The following TCP11L2 variants were observed in gnomAD, a reference collection of about 807,000 sequenced individuals.
TCP11L2 encodes t-complex 11 like 2.
Under a neutral mutation model 50.7 loss-of-function variants are expected in TCP11L2, and 39 were observed. The ratio of observed to expected loss-of-function variants is 0.77; its 90% CI spans 0.60 to 1.01. TCP11L2 has a LOEUF of 1.01. Among genes scored for constraint, TCP11L2 ranks in the 50% least tolerant of loss-of-function variants. TCP11L2 has a pLI of 0.00. For synonymous variants in TCP11L2, 192 were observed against 219.3 expected, an observed-to-expected ratio of 0.88 and a Z score of 1.10; for missense variants, 612 against 614.7, an observed-to-expected ratio of 1.00 and a Z score of 0.05.
intron 1 of TCP11L2, among the ~76,000 whole-genome samples, 166 bp from the exon 2 acceptor site, chr12:106,310,875 T>C (rs1274367259): frequency 6.6e-6 from 1 of 152,180 alleles, no homozygotes; most frequent in Non-Finnish European, 1.5e-5. Flanking sequence ...GATGACCTAG[T>C]GATCTGGCCT....
At chr12:106,304,882 G>A (rs936144591) in intron 1 of TCP11L2, among the ~76,000 whole-genome samples, 2 of 152,130 alleles carry the variant, frequency 1.3e-5, no homozygotes, top group African/African-American at 2.4e-5. Flanking sequence ...TCACTGTAGC[G>A]GGGTGGTGAA....
chr12:106,302,408 G>GC (rs1219150244), upstream of TCP11L2, among the ~76,000 whole-genome samples: 1 of 45,024 alleles, frequency 2.2e-5, no homozygotes, highest in Non-Finnish European at 4.3e-5. Context: ...CCCCCGCTCA[G>GC]CCCCCGCTCC....
In TCP11L2 at chr12:106,346,357, C is replaced by G; in HGVS notation, c.1387C>G (p.Pro463Ala). The change falls in exon 10 of 10, where the codon CCA becomes GCA. Residue 463 changes from proline (P) to alanine (A), a missense_variant. Pro to Ala is a conservative substitution (Grantham distance 27, BLOSUM62 -1). Coordinates refer to ENST00000299045, the MANE Select transcript of TCP11L2 (RefSeq NM_152772.3). The stretch of plus-strand genomic sequence containing the variant: ...CCCTCAAAAATGCATGCCTCCTATG[C>G]CAGGAGGCCTAGCTGTCATTCAGCA... The part of the protein sequence containing the change: ...PSPQKCMPPM[P>A]GGLAVIQQEL... The G allele has an allele frequency of 6.2e-7, 1 of 1,613,552 alleles. No individual in the cohort carries two copies. The highest frequency in any genetic ancestry group is 1.3e-5 in the African/African-American group (1 of 75,044).
intron 9 of TCP11L2, among the ~76,000 whole-genome samples, chr12:106,344,525 GATGAA>G (rs1211330736): frequency 2.6e-5 from 4 of 152,176 alleles, no homozygotes; most frequent in African/African-American, 9.7e-5. Context: ...GCAGAGATGA[GATGAA>G]ATGAGATGAG....
At chr12:106,310,985 G>C in intron 1 of TCP11L2, 56 bp from the exon 2 acceptor site, 2 of 1,445,354 alleles carry the variant, frequency 1.4e-6, no homozygotes, top group Non-Finnish European at 1.9e-6. Flanking sequence ...AGAAGCATTG[G>C]TGGTGCCTGT....
chr12:106,325,133 C>G (rs1251770874), intron 6 of TCP11L2: 1 of 152,152 alleles, frequency 6.6e-6, no homozygotes, highest in African/African-American at 2.4e-5. Context: ...TGAAGTTACC[C>G]CCCATTTTAT....
At chr12:106,338,443 G>A (rs375158136) in intron 8 of TCP11L2, among the ~76,000 whole-genome samples, 13 of 152,208 alleles carry the variant, frequency 8.5e-5, no homozygotes, top group African/African-American at 3.1e-4. Flanking sequence ...GAATTAATTT[G>A]CTTAGGATAA....
At chr12:106,300,745 T>A (rs971804833), upstream of TCP11L2, among the ~76,000 whole-genome samples, 2 of 152,226 alleles carry the variant, frequency 1.3e-5, no homozygotes, top group Non-Finnish European at 2.9e-5. Context: ...ATTTCCAGCA[T>A]CTTTTCTTAT....
intron 6 of TCP11L2, among the ~76,000 whole-genome samples, chr12:106,327,413 C>T (rs2035591173): frequency 6.6e-6 from 1 of 152,116 alleles, no homozygotes; most frequent in Non-Finnish European, 1.5e-5. Flanking sequence ...AGGCTGGTCT[C>T]TAACTACTGG....
chr12:106,318,201 A>G (rs1320868959), intron 3 of TCP11L2, 143 bp from the exon 4 acceptor site: 1 of 971,110 alleles, frequency 1.0e-6, no homozygotes, highest in Non-Finnish European at 1.5e-6. Context: ...TTCAACAAGA[A>G]AAATATTAAA....
At position 106,337,657 on chromosome 12, in the gene TCP11L2, C is replaced by T. The variant is rs144698478; in HGVS notation, c.1142+1444C>T. On this transcript the variant is annotated intron_variant, in intron 8 of 9. Coordinates refer to ENST00000299045, the MANE Select transcript of TCP11L2 (RefSeq NM_152772.3). ...GACCAGGGTTTAAATCCCAGCTCTGCTACTGACTTATTATGAACACTTGAA... is the reference window on the plus strand; with the variant it reads ...GACCAGGGTTTAAATCCCAGCTCTGTTACTGACTTATTATGAACACTTGAA... Among the ~76,000 whole-genome samples, 981 of 152,328 alleles carry T rather than the reference C, an allele frequency of 6.4e-3. 9 individuals are homozygous for T. The highest frequency in any genetic ancestry group is 9.7e-3 in the Non-Finnish European group (659 of 68,030).
chr12:106,302,239 C>T (rs576048528), upstream of TCP11L2, among the ~76,000 whole-genome samples: 377 of 152,142 alleles, frequency 2.5e-3, no homozygotes, highest in African/African-American at 8.4e-3. Flanking sequence ...GCCTGGAAGC[C>T]CAGGGGATCT....
intron 8 of TCP11L2, among the ~76,000 whole-genome samples, chr12:106,336,702 G>A (rs945927743): frequency 1.1e-4 from 16 of 152,006 alleles, no homozygotes; most frequent in Non-Finnish European, 1.8e-4. Flanking sequence ...ACAGGCATGC[G>A]CCGCCACGCC....
chr12:106,307,286 C>G (rs548079206), intron 1 of TCP11L2: 3 of 152,252 alleles, frequency 2.0e-5, no homozygotes, highest in African/African-American at 4.8e-5. Context: ...GAATAGTGAC[C>G]TGCTATCGTG....
rs1592930919 is a variant in TCP11L2, at chr12:106,311,105, G to A, written c.30G>A (p.Val10=). ...CCTTCAATGGCGAGAAGCAGTGTGT[G>A]GGAGAGGACCAGCCAAGCGATTCTG... MPFNGEKQC[V]GEDQPSDSDS... is the part of the protein sequence containing the mutation. The change falls in exon 2 of 10, where the codon GTG becomes GTA. Residue 10 remains valine (V), a synonymous_variant. Coordinates refer to ENST00000299045, the MANE Select transcript of TCP11L2 (RefSeq NM_152772.3). 2 of 1,614,172 alleles carry A rather than the reference G, an allele frequency of 1.2e-6. No individual in the cohort carries two copies. Among genetic ancestry groups the A allele is most frequent in the East Asian group, 2.2e-5 (1 of 44,874 alleles).
rs758174695 is a variant in TCP11L2, at chr12:106,323,615, C to G, written c.741C>G (p.Thr247=). 2 of 1,601,802 alleles carry G rather than the reference C, an allele frequency of 1.2e-6. No individual in the cohort carries two copies. The highest frequency in any genetic ancestry group is 1.1e-5 in the South Asian group (1 of 88,822). Residue 247 remains threonine (T), a synonymous_variant, in exon 6 of 10, where the codon ACC becomes ACG. Transcript: ENST00000299045. ...GCCAGTTGGTGGAATATGAGAGAAC[C>G]AAGTTCCAGGAAATTTTGGAAGAAA... ...LQRQLVEYER[T]KFQEILEETP...
At chr12:106,321,879 T>A (rs2035352049) in intron 5 of TCP11L2, among the ~76,000 whole-genome samples, 173 bp downstream of exon 5, 1 of 152,204 alleles carries the variant, frequency 6.6e-6, no homozygotes, top group African/African-American at 2.4e-5. Context: ...CAGAGAGTTT[T>A]CACATAGAAT....
chr12:106,318,495 C>T lies in TCP11L2; in HGVS notation c.414+31C>T, dbSNP rs200319225. Reference sequence around the variant, plus strand: ...TTGCTTTGTTGTCTGTGTCAGTTAGCGTCTTACTCCAGGTGGGCTGCTATA... The same window carrying T: ...TTGCTTTGTTGTCTGTGTCAGTTAGTGTCTTACTCCAGGTGGGCTGCTATA... On this transcript the variant is annotated intron_variant, in intron 4 of 9. Transcript: ENST00000299045. 6.2e-5 allele frequency: 100 copies of T among 1,609,168 alleles called. No individual in the cohort carries two copies. In the East Asian group the frequency reaches 1.2e-3, roughly 19 times the overall value.
chr12:106,337,082 C>A (rs1171372992), intron 8 of TCP11L2, among the ~76,000 whole-genome samples: 1 of 150,698 alleles, frequency 6.6e-6, no homozygotes, highest in Non-Finnish European at 1.5e-5. Flanking sequence ...GTCAGAAATT[C>A]TTAGTCTTGG....
Sources: gnomAD v4.1 joint callset for allele counts (sites outside exome capture counted in the v4.1 genomes callset) on GRCh38, gnomAD v4.1.1 for gene constraint, MANE v1.5 for transcripts, NCBI Gene and HGNC (gene_info 2026-07-23, HGNC 2026-07-21) for gene names.